Variants in HNRNPA2B1 observed in about 807,000 individuals in gnomAD.
HNRNPA2B1 encodes the protein heterogeneous nuclear ribonucleoprotein A2/B1.
Under a neutral mutation model 46.3 loss-of-function variants are expected in HNRNPA2B1, and 3 were observed. The observed-to-expected ratio is 0.06, with a 90% CI of 0.03 to 0.17. The LOEUF (loss-of-function observed/expected upper bound fraction) is 0.17, where lower values mean the gene tolerates loss of function less well. Ranked by LOEUF, HNRNPA2B1 falls within the 10% of genes least tolerant of loss-of-function variation. The pLI, the probability that HNRNPA2B1 is intolerant of heterozygous loss-of-function variation, is 1.00. For missense variants in HNRNPA2B1, 221 were observed against 418.9 expected, an observed-to-expected ratio of 0.53 and a Z score of 4.12; for synonymous variants, 225 against 133.8, an observed-to-expected ratio of 1.68 and a Z score of -4.70.
At chr7:26,193,508 A>T in intron 8 of HNRNPA2B1, 67 bp downstream of exon 8, 1 of 1,550,218 alleles carries the variant, frequency 6.5e-7, no homozygotes, top group Non-Finnish European at 8.7e-7. Flanking sequence ...CATGGAAACA[A>T]AAGATCAAGT....
At chr7:26,200,326 C>T in intron 1 of HNRNPA2B1, 1 of 567,298 alleles carries the variant, frequency 1.8e-6, no homozygotes, top group Non-Finnish European at 3.2e-6. Flanking sequence ...CAGCGTCCGC[C>T]ATGTGAAAGC....
intron 1 of HNRNPA2B1, chr7:26,199,562 A>G (rs1378881524): frequency 6.6e-6 from 1 of 152,226 alleles, no homozygotes; most frequent in African/African-American, 2.4e-5. Flanking sequence ...CATTACTTAA[A>G]ATGAGTCAGC....
chr7:26,198,014 CTTAAA>C (rs1015822945), intron 1 of HNRNPA2B1: 7 of 444,294 alleles, frequency 1.6e-5, no homozygotes, highest in East Asian at 3.5e-5. Context: ...ATTAAATTAT[CTTAAA>C]TTATTAATTA....
In HNRNPA2B1 at chr7:26,190,324, T is replaced by C. The variant is rs990827151; in HGVS notation, c.*2036A>G. 1 of 152,618 alleles carries C rather than the reference T, an allele frequency of 6.6e-6. No homozygotes were observed. The highest frequency in any genetic ancestry group is 2.4e-5 in the African/African-American group (1 of 41,440). The allele number at this position is 152,618 out of a possible 1,614,324, so 9.5% of individuals were successfully genotyped here. On this transcript the variant is annotated 3_prime_UTR_variant, in exon 11 of 11. Coordinates refer to ENST00000618183, the MANE Select transcript of HNRNPA2B1 (RefSeq NM_002137.4). ...AAATGTTTGTTTTATCAGAAAACATTTCCCTTTTATTTTAAAGAGTGCTTT... is the reference window on the plus strand; with the variant it reads ...AAATGTTTGTTTTATCAGAAAACATCTCCCTTTTATTTTAAAGAGTGCTTT...
chr7:26,197,536 A>C, intron 2 of HNRNPA2B1, 75 bp from the exon 3 acceptor site: 1 of 1,569,050 alleles, frequency 6.4e-7, no homozygotes. Context: ...AGAATTTTTT[A>C]CTATGCTGAT....
At chr7:26,196,365 C>A (rs1401680520) in intron 6 of HNRNPA2B1, 36 bp downstream of exon 6, 1 of 1,500,694 alleles carries the variant, frequency 6.7e-7, no homozygotes, top group South Asian at 1.2e-5. Flanking sequence ...AATAAAAGCA[C>A]ACTCATCCTT....
rs376477105 is a variant in HNRNPA2B1, at chr7:26,196,041, G to A, written c.659-132C>T. On this transcript the variant is annotated intron_variant, in intron 6 of 10. Transcript: ENST00000618183. ...AGAAAAGGACACACCAGTGCTACCA[G>A]TTTACCCACAAAACATGAAAGCATA... 28 of 1,246,938 alleles carry A rather than the reference G, an allele frequency of 2.2e-5. No homozygotes were observed. In the Middle Eastern group the frequency reaches 1.2e-3, roughly 52 times the overall value. The allele number at this position is 1,246,938 out of a possible 1,614,324, so 77.2% of individuals were successfully genotyped here.
chr7:26,191,503 T>G lies in HNRNPA2B1; in HGVS notation c.*857A>C, dbSNP rs1308269861. On this transcript the variant is annotated 3_prime_UTR_variant, in exon 11 of 11. Coordinates refer to ENST00000618183, the MANE Select transcript of HNRNPA2B1 (RefSeq NM_002137.4). ...TGGCATCCTTATAAACTACTGTAGT[T>G]AAAGTTTTGTAGAAACAGCACAGTT... 1.3e-5 allele frequency: 2 copies of G among 152,204 alleles called. No individual in the cohort carries two copies. The highest frequency in any genetic ancestry group is 2.9e-5 in the Non-Finnish European group (2 of 68,020). The allele number at this position is 152,204 out of a possible 1,614,324, so 9.4% of individuals were successfully genotyped here.
intron 1 of HNRNPA2B1, chr7:26,200,074 A>T (rs1784212285): frequency 5.9e-6 from 1 of 170,760 alleles, no homozygotes; most frequent in African/African-American, 2.4e-5. Flanking sequence ...TGATAGAGAA[A>T]GCACACTAAG....
chr7:26,200,654 G>A lies in HNRNPA2B1; in HGVS notation c.-77C>T, dbSNP rs560368423. 2 of 1,591,514 alleles carry A rather than the reference G, an allele frequency of 1.3e-6. No individual in the cohort carries two copies. Among genetic ancestry groups the A allele is most frequent in the Non-Finnish European group, 1.7e-6 (2 of 1,161,762 alleles). ...AGATCTCCGCGGACGAACACGAACC[G>A]GACTCGTCCTGGCGCTGTAGTGAGA... On this transcript the variant is annotated 5_prime_UTR_variant, in exon 1 of 11. Transcript: ENST00000618183.
chr7:26,200,677 A>T lies in HNRNPA2B1; in HGVS notation c.-100T>A. 6.9e-7 allele frequency: 1 copy of T among 1,452,272 alleles called. No homozygotes were observed. The highest frequency in any genetic ancestry group is 9.6e-7 in the Non-Finnish European group (1 of 1,037,260). The allele number at this position is 1,452,272 out of a possible 1,614,324, so 90.0% of individuals were successfully genotyped here. A position where few individuals can be genotyped will look rare whatever the true frequency, so the allele number is the denominator to read the frequency against. ...CCGGACTCGTCCTGGCGCTGTAGTG[A>T]GAACTGCCGCTGCTCGAGAAACAAC... On this transcript the variant is annotated 5_prime_UTR_variant, in exon 1 of 11. Transcript: ENST00000618183.
chr7:26,194,015 G>C (rs553680067), intron 7 of HNRNPA2B1, among the ~76,000 whole-genome samples: 21 of 152,266 alleles, frequency 1.4e-4, no homozygotes, highest in African/African-American at 4.6e-4. Context: ...AGTAGTGTGG[G>C]CTAGAGGGAA....
At chr7:26,195,106 A>AAAAAAAAAAAAAAAAAAAAAAAAAAC (rs1783393572) in intron 7 of HNRNPA2B1, among the ~76,000 whole-genome samples, 1 of 145,718 alleles carries the variant, frequency 6.9e-6, no homozygotes, top group African/African-American at 2.6e-5. Context: ...AAAAAAAAAA[A>AAAAAAAAAAAAAAAAAAAAAAAAAAC]AAAAGAAACC....
Position 26,195,834 on chromosome 7 carries a change from G to C in HNRNPA2B1, c.721+13C>G. 6.2e-7 allele frequency: 1 copy of C among 1,608,726 alleles called. No individual in the cohort carries two copies. Among genetic ancestry groups the C allele is most frequent in the Non-Finnish European group, 8.5e-7 (1 of 1,178,376 alleles). On this transcript the variant is annotated intron_variant, in intron 7 of 10. Transcript: ENST00000618183. ...AGTCACATAAACAAACCAAAACGTAGAGGAAAACTGACCTCCAGGTCCTCC... is the reference window on the plus strand; with the variant it reads ...AGTCACATAAACAAACCAAAACGTACAGGAAAACTGACCTCCAGGTCCTCC...
intron 9 of HNRNPA2B1, 52 bp from the exon 10 acceptor site, chr7:26,192,629 A>G: frequency 6.9e-7 from 1 of 1,444,634 alleles, no homozygotes; most frequent in Non-Finnish European, 9.7e-7. Flanking sequence ...ATTTCCCATG[A>G]TCAGCCTAAC....
chr7:26,196,182 T>G (rs1414637645), intron 6 of HNRNPA2B1, among the ~76,000 whole-genome samples: 1 of 152,194 alleles, frequency 6.6e-6, no homozygotes, highest in Non-Finnish European at 1.5e-5. Flanking sequence ...CGGATGACAC[T>G]TCATGTTACA....
intron 7 of HNRNPA2B1, among the ~76,000 whole-genome samples, chr7:26,195,545 G>T (rs1267133110): frequency 6.6e-6 from 1 of 152,128 alleles, no homozygotes; most frequent in Non-Finnish European, 1.5e-5. Flanking sequence ...GTTAAATCCA[G>T]TATTCTGTAC....
At position 26,196,713 on chromosome 7, in the gene HNRNPA2B1, T is replaced by TTAAGGTTAAA. The variant is rs543256235; in HGVS notation, c.476-56_476-55insTTTAACCTTA. 252 of 1,573,306 alleles carry TTAAGGTTAAA rather than the reference T, an allele frequency of 1.6e-4. 1 individual carries two copies. The East Asian group carries it at 4.7e-3, about 30-fold the overall frequency. Reference sequence around the variant, plus strand: ...ATTAAATCAACAATATTAAGCAGCTTCAAAAGTTTACCTTTCAATAAAGTT... The same window carrying TTAAGGTTAAA: ...ATTAAATCAACAATATTAAGCAGCTTTAAGGTTAAACAAAAGTTTACCTTTCAATAAAGTT... On this transcript the variant is annotated intron_variant, in intron 4 of 10. Coordinates refer to ENST00000618183, the MANE Select transcript of HNRNPA2B1 (RefSeq NM_002137.4).
chr7:26,196,542 C>G lies in HNRNPA2B1; in HGVS notation c.577+15G>C, dbSNP rs1292888920. 1.9e-6 allele frequency: 3 copies of G among 1,612,224 alleles called. No individual in the cohort carries two copies. Among genetic ancestry groups the G allele is most frequent in the Non-Finnish European group, 2.5e-6 (3 of 1,178,592 alleles). Reference sequence around the variant, plus strand: ...TATATGAACAAAAATAAAGAAGAAACAGAATTAAAATTACCTCCTCTTCCA... The same window carrying G: ...TATATGAACAAAAATAAAGAAGAAAGAGAATTAAAATTACCTCCTCTTCCA... On this transcript the variant is annotated intron_variant, in intron 5 of 10. Coordinates refer to ENST00000618183, the MANE Select transcript of HNRNPA2B1 (RefSeq NM_002137.4).
Sources: allele counts gnomAD v4.1 joint callset (sites outside exome capture counted in the v4.1 genomes callset), GRCh38; gene constraint gnomAD v4.1.1; transcripts MANE v1.5; gene names NCBI Gene and HGNC (gene_info 2026-07-23, HGNC 2026-07-21).